Variants in ANK2 observed in about 807,000 individuals in gnomAD.
The protein encoded by ANK2 is ankyrin-2.
ANK2 carries 83 observed loss-of-function variants against 360.5 expected under a neutral mutation model. The ratio of observed to expected loss-of-function variants is 0.23; its 90% CI spans 0.19 to 0.28. The LOEUF (loss-of-function observed/expected upper bound fraction) is 0.28. ANK2 is among the 10% of genes least tolerant of loss of function. The pLI is 1.00. For missense variants in ANK2, 4,201 were observed against 4,795.7 expected (o/e 0.88, Z 3.66); for synonymous variants, 1,740 against 1,759.5 (o/e 0.99, Z 0.28).
chr4:113,383,406 G>A lies in ANK2; in HGVS notation c.*1935G>A, dbSNP rs928829512. On this transcript the variant is annotated 3_prime_UTR_variant, in exon 46 of 46. Transcript: ENST00000357077. ...GTGAAACTTTTTGAGACACCCTATG[G>A]CCTTCTTGTCAAAACCTTCACTGGA... is the stretch of plus-strand genomic sequence containing the variant. 1 of 152,536 alleles carries A rather than the reference G, an allele frequency of 6.6e-6. No individual in the cohort carries two copies. Among genetic ancestry groups the A allele is most frequent in the African/African-American group, 2.4e-5 (1 of 41,414 alleles). 9.4% of individuals were successfully genotyped at this position (152,536 alleles called of 1,614,324 possible).
intron 1 of ANK2, among the ~76,000 whole-genome samples, chr4:112,883,018 C>CTTTTTTTTTTTTTTTTTTTT (rs536262490): frequency 3.3e-5 from 1 of 30,526 alleles, no homozygotes; most frequent in African/African-American, 1.0e-4. Flanking sequence ...CTTGGTTAGT[C>CTTTTTTTTTTTTTTTTTTTT]TTTTTTTTTT....
At chr4:112,854,114 G>A (rs564087314) in intron 1 of ANK2, among the ~76,000 whole-genome samples, 1 of 152,292 alleles carries the variant, frequency 6.6e-6, no homozygotes, top group African/African-American at 2.4e-5. Context: ...GGGACCCAAG[G>A]GAAGAAGTGG....
chr4:113,054,335 A>ACG (rs1209225239), intron 1 of ANK2, among the ~76,000 whole-genome samples: 1 of 151,752 alleles, frequency 6.6e-6, no homozygotes, highest in Admixed American at 6.6e-5. Flanking sequence ...ACACACACAC[A>ACG]CACACATATT....
At position 113,365,200 on chromosome 4, in the gene ANK2, T is replaced by C. The variant is rs764773352; in HGVS notation, c.11032+18T>C. 6.7e-7 allele frequency: 1 copy of C among 1,482,304 alleles called. No individual in the cohort carries two copies. Among genetic ancestry groups the C allele is most frequent in the East Asian group, 2.6e-5 (1 of 38,490 alleles). The allele number at this position is 1,482,304 out of a possible 1,614,324, so 91.8% of individuals were successfully genotyped here. A position where few individuals can be genotyped will look rare whatever the true frequency, so the allele number is the denominator to read the frequency against. ...TAGTGAAGGTCAAACTGTGTGTGTG[T>C]ATGTGTGTGTGTGTGTGTGTGTGTG... On this transcript the variant is annotated intron_variant, in intron 41 of 45. Coordinates refer to ENST00000357077, the MANE Select transcript of ANK2 (RefSeq NM_001148.6).
chr4:112,988,021 T>C (rs2045529075), intron 2 of ANK2, among the ~76,000 whole-genome samples: 1 of 151,998 alleles, frequency 6.6e-6, no homozygotes, highest in African/African-American at 2.4e-5. Context: ...GAAAAATGGG[T>C]TCCAAATCAG....
intron 23 of ANK2, among the ~76,000 whole-genome samples, chr4:113,307,874 A>G (rs1229108777): frequency 6.6e-6 from 1 of 152,222 alleles, no homozygotes; most frequent in African/African-American, 2.4e-5. Context: ...AACAGTTTTC[A>G]CGAAATTGCT....
chr4:112,853,907 C>G (rs1294608297), intron 1 of ANK2, among the ~76,000 whole-genome samples: 2 of 152,144 alleles, frequency 1.3e-5, no homozygotes, highest in Non-Finnish European at 2.9e-5. Context: ...GTCATTCATT[C>G]AATCAATAAA....
chr4:113,192,348 T>G (rs2098679627), intron 2 of ANK2, among the ~76,000 whole-genome samples: 1 of 146,864 alleles, frequency 6.8e-6, no homozygotes, highest in Admixed American at 6.8e-5. Context: ...TGCCTGCATG[T>G]GCACACACAC....
intron 2 of ANK2, among the ~76,000 whole-genome samples, chr4:113,019,494 A>G (rs1309088795): frequency 1.3e-5 from 2 of 152,214 alleles, no homozygotes; most frequent in Admixed American, 1.3e-4. Flanking sequence ...TTTGTTTTTG[A>G]CTAATAAGTA....
At chr4:113,318,300 A>G (rs1461614520) in intron 25 of ANK2, among the ~76,000 whole-genome samples, 1 of 152,234 alleles carries the variant, frequency 6.6e-6, no homozygotes, top group Non-Finnish European at 1.5e-5. Flanking sequence ...TTCAAAGACA[A>G]TTACACGAAT....
chr4:113,142,719 G>T (rs528193649), intron 1 of ANK2, among the ~76,000 whole-genome samples: 1 of 152,094 alleles, frequency 6.6e-6, no homozygotes, highest in African/African-American at 2.4e-5. Context: ...TGATTTCCCC[G>T]AGATGAAGAA....
chr4:112,915,371 A>G (rs1247788373), intron 2 of ANK2, among the ~76,000 whole-genome samples: 2 of 152,172 alleles, frequency 1.3e-5, no homozygotes, highest in African/African-American at 2.4e-5. Flanking sequence ...CTTTAAATAG[A>G]TGTTTTTAAA....
chr4:112,758,070 A>G, the ANK2 span, among the ~76,000 whole-genome samples: 6 of 78,908 alleles, frequency 7.6e-5, no homozygotes, highest in Admixed American at 2.9e-4. Flanking sequence ...CACCCGGCTA[A>G]TTTTGTATTT....
chr4:113,346,154 A>G (rs1459352978), intron 35 of ANK2, 132 bp downstream of exon 35: 11 of 1,014,404 alleles, frequency 1.1e-5, no homozygotes, highest in African/African-American at 1.6e-5. Flanking sequence ...ATGAATACCA[A>G]CAAAGACTGA....
intron 2 of ANK2, among the ~76,000 whole-genome samples, chr4:112,947,623 CAA>C (rs1449776234): frequency 1.3e-5 from 2 of 152,144 alleles, no homozygotes; most frequent in Non-Finnish European, 2.9e-5. Context: ...GCATGCAGGG[CAA>C]AGACTGTTCC....
chr4:113,231,129 GT>G (rs1159516016), intron 4 of ANK2, among the ~76,000 whole-genome samples: 1 of 149,180 alleles, frequency 6.7e-6, no homozygotes. Context: ...TTGGCTCACT[GT>G]AATCTCCGCC....
At position 113,031,587 on chromosome 4, in the gene ANK2, G is replaced by A. The variant is rs891376841; in HGVS notation, c.21+127073G>A. The A allele has an allele frequency of 4.9e-5, 7 of 141,770 alleles. 1 individual carries two copies. The highest frequency in any genetic ancestry group is 4.9e-4 in the Admixed American group (7 of 14,218). The allele number at this position is 141,770 out of a possible 1,614,324, so 8.8% of individuals were successfully genotyped here. A position where few individuals can be genotyped will look rare whatever the true frequency, so the allele number is the denominator to read the frequency against. On this transcript the variant is annotated intron_variant, in intron 2 of 30. Transcript: ENST00000503271. ...CTCCCACCCCATTTCTATTTTTTTGGTATTCTTGTTTGACTTGATGACTTA... is the reference window on the plus strand; with the variant it reads ...CTCCCACCCCATTTCTATTTTTTTGATATTCTTGTTTGACTTGATGACTTA...
intron 1 of ANK2, among the ~76,000 whole-genome samples, chr4:112,876,394 T>C (rs535454064): frequency 6.6e-6 from 1 of 152,194 alleles, no homozygotes; most frequent in East Asian, 1.9e-4. Context: ...ACACTCAAAA[T>C]AGGATAAATT....
chr4:112,928,855 GTT>G (rs1235507355), intron 2 of ANK2, among the ~76,000 whole-genome samples: 5 of 142,128 alleles, frequency 3.5e-5, no homozygotes, highest in Non-Finnish European at 3.1e-5. Context: ...CCGTCTTTAG[GTT>G]TTTTTTTTTT....
Sources: allele counts gnomAD v4.1 joint callset (sites outside exome capture counted in the v4.1 genomes callset), GRCh38; gene constraint gnomAD v4.1.1; transcripts MANE v1.5; gene names NCBI Gene and HGNC (gene_info 2026-07-23, HGNC 2026-07-21).